DIP2C: variants seen among roughly 807,000 people sequenced by gnomAD.
DIP2C encodes DIP2 acetate--CoA ligase C (putative).
DIP2C carries 33 observed loss-of-function variants against 192.4 expected under a neutral mutation model. The observed-to-expected ratio is 0.17, with a 90% confidence interval of 0.13 to 0.23. The LOEUF is 0.23. Ranked by LOEUF, DIP2C falls within the 10% of genes least tolerant of loss-of-function variation. The probability of loss-of-function intolerance (pLI) is 1.00; values close to 1 mark genes in which losing one functional copy is unlikely to be tolerated. For missense variants in DIP2C, 1,537 were observed against 2,110.1 expected (o/e 0.73, Z 5.32); for synonymous variants, 979 against 864.1 (o/e 1.13, Z -2.33).
intron 1 of DIP2C, among the ~76,000 whole-genome samples, chr10:678,365 AAAAG>A (rs1830945286): frequency 6.6e-6 from 1 of 152,162 alleles, no homozygotes; most frequent in Non-Finnish European, 1.5e-5. Flanking sequence ...TATCTTTAAA[AAAAG>A]AAAGAATTTT....
intron 1 of DIP2C, among the ~76,000 whole-genome samples, chr10:587,555 T>C (rs17293454): frequency 0.077 from 11,726 of 152,162 alleles, 652 homozygotes; most frequent in Non-Finnish European, 0.12. Flanking sequence ...CATTGATCAA[T>C]AACAAGTCGC....
At chr10:305,198 C>T (rs1319269464) in intron 32 of DIP2C, among the ~76,000 whole-genome samples, 2 of 152,156 alleles carry the variant, frequency 1.3e-5, no homozygotes, top group African/African-American at 4.8e-5. Flanking sequence ...ATACTTGTAC[C>T]CACATCACAC....
chr10:457,992 C>A (rs768499354), intron 3 of DIP2C, among the ~76,000 whole-genome samples: 25 of 152,306 alleles, frequency 1.6e-4, no homozygotes, highest in Non-Finnish European at 3.4e-4. Context: ...CCCACCCACA[C>A]CATCCAGCAT....
chr10:492,045 A>G (rs1844485644), intron 1 of DIP2C, among the ~76,000 whole-genome samples: 2 of 152,124 alleles, frequency 1.3e-5, no homozygotes, highest in South Asian at 2.1e-4. Context: ...ACAGGGGCTA[A>G]GAGGAATCTC....
intron 1 of DIP2C, among the ~76,000 whole-genome samples, chr10:618,959 T>C (rs1423012711): frequency 6.6e-6 from 1 of 151,146 alleles, no homozygotes; most frequent in East Asian, 1.9e-4. Context: ...CTTCCAATTC[T>C]TCTTTCCAGC....
intron 1 of DIP2C, among the ~76,000 whole-genome samples, chr10:517,347 G>T (rs527325912): frequency 5.3e-4 from 81 of 152,278 alleles, no homozygotes; most frequent in Middle Eastern, 3.4e-3. Flanking sequence ...TCAGACATTA[G>T]GTGAAGGAAC....
In DIP2C at chr10:651,223, C is replaced by G. The variant is rs1365489220; in HGVS notation, c.85+38271G>C. 2.8e-6 allele frequency: 2 copies of G among 717,016 alleles called. No homozygotes were observed. Among genetic ancestry groups the G allele is most frequent in the African/African-American group, 3.5e-5 (2 of 57,276 alleles). 44.4% of individuals were successfully genotyped at this position (717,016 alleles called of 1,614,324 possible). ...CTACAGACCCTGTCCTCACCTGCAT[C>G]ACACCAATGATGGCGTCACAGCGTG... On this transcript the variant is annotated intron_variant, in intron 1 of 36. Coordinates refer to ENST00000280886, the MANE Select transcript of DIP2C (RefSeq NM_014974.3). This position sits in a 1 kb window ranked among gnomAD's most constrained non-coding sequence, Gnocchi z 4.1.
intron 1 of DIP2C, among the ~76,000 whole-genome samples, chr10:544,133 GCA>G (rs1290282317): frequency 1.3e-5 from 2 of 150,550 alleles, no homozygotes; most frequent in African/African-American, 2.5e-5. Flanking sequence ...GAGTGGAATC[GCA>G]CAGTGCGTGA....
intron 1 of DIP2C, chr10:630,817 G>C (rs1176092341): frequency 6.6e-6 from 1 of 152,280 alleles, no homozygotes. Context: ...TGATGCCCAG[G>C]CCTCGCCATG....
At chr10:292,844 C>G (rs751945941) in intron 32 of DIP2C, among the ~76,000 whole-genome samples, 4 of 152,228 alleles carry the variant, frequency 2.6e-5, no homozygotes, top group Non-Finnish European at 5.9e-5. Flanking sequence ...GATTCTCACC[C>G]AGGGGCAAGG....
Position 348,790 on chromosome 10 carries a change from G to A in DIP2C, c.3110-28C>T, listed in dbSNP as rs1958645400. The A allele has an allele frequency of 3.1e-6, 5 of 1,611,428 alleles. No homozygotes were observed. The South Asian group carries it at 5.5e-5, about 18-fold the overall frequency. On this transcript the variant is annotated intron_variant, in intron 25 of 36. Coordinates refer to ENST00000280886, the MANE Select transcript of DIP2C (RefSeq NM_014974.3). ...ACACAAGGAGAGAAACATCATCATT[G>A]AAGCAGACCACGCTGCTGAGTGCAC... is the stretch of plus-strand genomic sequence containing the variant.
intron 1 of DIP2C, among the ~76,000 whole-genome samples, chr10:678,235 G>A (rs545062596): frequency 6.6e-6 from 1 of 152,240 alleles, no homozygotes; most frequent in South Asian, 2.1e-4. Context: ...CCTAAAACAG[G>A]CCATTCTTCC....
intron 1 of DIP2C, among the ~76,000 whole-genome samples, chr10:617,746 T>C (rs911973812): frequency 5.5e-5 from 8 of 145,458 alleles, no homozygotes; most frequent in Non-Finnish European, 8.9e-5. Context: ...CACCTGCTCC[T>C]TGTTGCACGT....
Position 547,779 on chromosome 10 carries a change from C to T in DIP2C, c.86-61249G>A, listed in dbSNP as rs140565626. Among the ~76,000 whole-genome samples, 946 of 152,250 alleles carry T rather than the reference C, an allele frequency of 6.2e-3. 28 individuals carry two copies. The highest frequency in any genetic ancestry group is 0.052 in the Admixed American group (803 of 15,298). Reference sequence around the variant, plus strand: ...TCAGTTTATACATGTGATAAAATCTCAGTCACGTCCCCTCTCTGCAGGGGG... The same window carrying T: ...TCAGTTTATACATGTGATAAAATCTTAGTCACGTCCCCTCTCTGCAGGGGG... On this transcript the variant is annotated intron_variant, in intron 1 of 36. Transcript: ENST00000280886.
At chr10:581,365 C>CT (rs1850645869) in intron 1 of DIP2C, among the ~76,000 whole-genome samples, 1 of 152,308 alleles carries the variant, frequency 6.6e-6, no homozygotes, top group African/African-American at 2.4e-5. Flanking sequence ...TACAGGCAGT[C>CT]TTCTGCAAAT....
At chr10:319,770 T>C (rs1218379105) in intron 31 of DIP2C, among the ~76,000 whole-genome samples, 2 of 152,234 alleles carry the variant, frequency 1.3e-5, no homozygotes. Context: ...TGGGAAATGT[T>C]ACTCCTAAGA....
In DIP2C at chr10:689,619, C is replaced by A; in HGVS notation, c.-41G>T. The A allele has an allele frequency of 9.2e-7, 1 of 1,091,372 alleles. No homozygotes were observed. Among genetic ancestry groups the A allele is most frequent in the South Asian group, 3.6e-5 (1 of 27,686 alleles). The allele number at this position is 1,091,372 out of a possible 1,614,324, so 67.6% of individuals were successfully genotyped here. On this transcript the variant is annotated 5_prime_UTR_variant, in exon 1 of 37. Transcript: ENST00000280886. This position sits in a 1 kb window ranked among gnomAD's most constrained non-coding sequence, Gnocchi z 6.1. The stretch of plus-strand genomic sequence containing the variant: ...CGCCCCGCACGGCCTCCTCTTTGTT[C>A]GCAGGCGGAGGTCTCGGCGGCTCCT...
At chr10:396,762 G>T (rs1164696740) in intron 10 of DIP2C, among the ~76,000 whole-genome samples, 1 of 149,572 alleles carries the variant, frequency 6.7e-6, no homozygotes, top group African/African-American at 2.5e-5. Flanking sequence ...CAGGGGATGA[G>T]AAAGCACCTC....
chr10:571,467 T>TC (rs370351306), intron 1 of DIP2C, among the ~76,000 whole-genome samples: 32 of 148,992 alleles, frequency 2.1e-4, no homozygotes, highest in Middle Eastern at 3.4e-3. Context: ...TCCTCCTGCA[T>TC]CCCCCCTCCT....
Sources: allele counts gnomAD v4.1 joint callset (sites outside exome capture counted in the v4.1 genomes callset), GRCh38; gene constraint gnomAD v4.1.1; non-coding constraint Gnocchi (gnomAD v3.1); transcripts MANE v1.5; gene names NCBI Gene and HGNC (gene_info 2026-07-23, HGNC 2026-07-21).